SLC4A10: variants seen among roughly 807,000 people sequenced by gnomAD.
The protein encoded by SLC4A10 is sodium-driven chloride bicarbonate exchanger.
In SLC4A10, 42 loss-of-function variants were observed where a neutral mutation model predicts 137.7. The ratio of observed to expected loss-of-function variants is 0.30; its 90% CI spans 0.24 to 0.39. SLC4A10 has a LOEUF of 0.39. Among genes scored for constraint, SLC4A10 ranks in the 10% least tolerant of loss-of-function variants. The pLI is 1.00. For synonymous variants in SLC4A10, 474 were observed against 464.1 expected (o/e 1.02, Z -0.27); for missense variants, 925 against 1,355.0 (o/e 0.68, Z 4.98).
At chr2:161,703,649 T>C (rs2043356854) in intron 1 of SLC4A10, among the ~76,000 whole-genome samples, 1 of 151,594 alleles carries the variant, frequency 6.6e-6, no homozygotes, top group Non-Finnish European at 1.5e-5. Flanking sequence ...TATTGTGTGA[T>C]CTCCTATACA....
chr2:161,953,740 A>T (rs1017807726), intron 19 of SLC4A10, among the ~76,000 whole-genome samples: 1 of 152,210 alleles, frequency 6.6e-6, no homozygotes, highest in Admixed American at 6.5e-5. Flanking sequence ...AACTCATTGC[A>T]TCCTATGATC....
At position 161,855,045 on chromosome 2, in the gene SLC4A10, G is replaced by C; in HGVS notation, c.492G>C (p.Leu164Phe). 6.2e-7 allele frequency: 1 copy of C among 1,613,350 alleles called. No individual in the cohort carries two copies. The highest frequency in any genetic ancestry group is 8.5e-7 in the Non-Finnish European group (1 of 1,179,576). Reference protein sequence around the residue: ...WSKPYVATLSLHSLFELRSCI... With the variant: ...WSKPYVATLSFHSLFELRSCI... Reference sequence around the variant, plus strand: ...AGCCTTATGTGGCTACTCTTTCATTGCACAGCTTGTTTGAATTGAGAAGTT... The same window carrying C: ...AGCCTTATGTGGCTACTCTTTCATTCCACAGCTTGTTTGAATTGAGAAGTT... Residue 164 changes from leucine to phenylalanine, a missense_variant, in exon 5 of 27, where the codon TTG becomes TTC. Leu to Phe is a conservative substitution (Grantham distance 22). Around this residue, in one of 11 missense-constraint regions of SLC4A10, gnomAD observed 277 missense variants for 306.1 expected, o/e 0.90. Coordinates refer to ENST00000446997, the MANE Select transcript of SLC4A10 (RefSeq NM_001178015.2).
intron 1 of SLC4A10, among the ~76,000 whole-genome samples, chr2:161,719,601 G>C (rs2045378693): frequency 6.6e-6 from 1 of 152,112 alleles, no homozygotes; most frequent in South Asian, 2.1e-4. Flanking sequence ...ATTCTAACTG[G>C]TGTGAGATGG....
intron 4 of SLC4A10, among the ~76,000 whole-genome samples, chr2:161,844,180 G>C (rs1035381842): frequency 6.6e-6 from 1 of 152,060 alleles, no homozygotes; most frequent in Admixed American, 6.6e-5. Context: ...GGCAAAGCAG[G>C]GGGTAGCGTT....
chr2:161,833,942 C>A (rs1414228596), intron 3 of SLC4A10, among the ~76,000 whole-genome samples: 1 of 152,212 alleles, frequency 6.6e-6, no homozygotes, highest in Non-Finnish European at 1.5e-5. Flanking sequence ...GTGGCTTCTG[C>A]AGAAACTGAT....
intron 3 of SLC4A10, among the ~76,000 whole-genome samples, chr2:161,837,710 A>G (rs1350398891): frequency 1.3e-5 from 2 of 152,218 alleles, no homozygotes; most frequent in Admixed American, 1.3e-4. Flanking sequence ...AGCTATAGTA[A>G]TCAAAAAAGT....
At chr2:161,872,945 C>T (rs1193809471) in intron 7 of SLC4A10, among the ~76,000 whole-genome samples, 3 of 152,072 alleles carry the variant, frequency 2.0e-5, no homozygotes. Context: ...AACTCCTGAC[C>T]TCAGGTGATC....
At chr2:161,629,043 T>C (rs982025192) in intron 1 of SLC4A10, among the ~76,000 whole-genome samples, 3 of 151,948 alleles carry the variant, frequency 2.0e-5, no homozygotes, top group Admixed American at 6.6e-5. Context: ...AAACTGGGCA[T>C]GAATAGATTG....
intron 3 of SLC4A10, among the ~76,000 whole-genome samples, chr2:161,836,536 GAA>G (rs1559358926): frequency 0.01 from 88 of 8,740 alleles, 3 homozygotes; most frequent in East Asian, 0.02. Flanking sequence ...GAGAGAGAAA[GAA>G]AGAAAGAAAG....
intron 2 of SLC4A10, among the ~76,000 whole-genome samples, chr2:161,794,969 A>G (rs985166240): frequency 6.6e-6 from 1 of 151,834 alleles, no homozygotes; most frequent in African/African-American, 2.4e-5. Context: ...CCTGCAAAAA[A>G]AAAACATTGA....
chr2:161,748,846 T>C (rs2125291058), intron 1 of SLC4A10, among the ~76,000 whole-genome samples: 1 of 152,214 alleles, frequency 6.6e-6, no homozygotes, highest in East Asian at 1.9e-4. Flanking sequence ...AGGGGTTGTG[T>C]TGAATCTGTA....
At chr2:161,642,419 A>T (rs1006080900) in intron 1 of SLC4A10, among the ~76,000 whole-genome samples, 5 of 151,974 alleles carry the variant, frequency 3.3e-5, no homozygotes, top group Admixed American at 1.3e-4. Context: ...ATGGTTCCAT[A>T]AAAAAAGATT....
chr2:161,822,699 G>A (rs1450762660), intron 3 of SLC4A10, among the ~76,000 whole-genome samples: 1 of 152,178 alleles, frequency 6.6e-6, no homozygotes, highest in Non-Finnish European at 1.5e-5. Flanking sequence ...TATGGGCCAG[G>A]CGCAGTGGCT....
intron 4 of SLC4A10, among the ~76,000 whole-genome samples, chr2:161,853,970 A>ATCC (rs1481820872): frequency 2.6e-5 from 4 of 152,176 alleles, no homozygotes; most frequent in Non-Finnish European, 5.9e-5. Flanking sequence ...TTACTCCCAC[A>ATCC]TATTTGTTGT....
intron 15 of SLC4A10, among the ~76,000 whole-genome samples, chr2:161,908,413 A>G (rs969384743): frequency 7.7e-6 from 1 of 129,116 alleles, no homozygotes; most frequent in Non-Finnish European, 1.6e-5. Flanking sequence ...AGGAAGGGGA[A>G]CATCACACAC....
intron 6 of SLC4A10, among the ~76,000 whole-genome samples, chr2:161,863,926 G>A (rs1158278101): frequency 6.6e-6 from 1 of 152,120 alleles, no homozygotes; most frequent in African/African-American, 2.4e-5. Flanking sequence ...TCTAGGCCGG[G>A]CGCAGTGGCT....
chr2:161,807,454 C>A (rs1403355133), intron 3 of SLC4A10, among the ~76,000 whole-genome samples: 1 of 152,116 alleles, frequency 6.6e-6, no homozygotes, highest in Non-Finnish European at 1.5e-5. Flanking sequence ...TTCACCTTCT[C>A]AACCATATTC....
At chr2:161,687,703 G>A (rs916660950) in intron 1 of SLC4A10, among the ~76,000 whole-genome samples, 14 of 152,100 alleles carry the variant, frequency 9.2e-5, no homozygotes, top group African/African-American at 3.1e-4. Flanking sequence ...GGTGGGGACC[G>A]GGTCGATGTA....
At chr2:161,895,418 G>A (rs1486332898) in intron 11 of SLC4A10, among the ~76,000 whole-genome samples, 2 of 152,022 alleles carry the variant, frequency 1.3e-5, no homozygotes, top group Non-Finnish European at 2.9e-5. Flanking sequence ...AGTCCTTTGG[G>A]TATATACCCA....
Sources: allele counts gnomAD v4.1 joint callset (sites outside exome capture counted in the v4.1 genomes callset), GRCh38; gene constraint gnomAD v4.1.1; regional missense constraint gnomAD v4.1.1; transcripts MANE v1.5; gene names NCBI Gene and HGNC (gene_info 2026-07-23, HGNC 2026-07-21).